The following ADCY5 variants were observed in gnomAD, a reference collection of about 807,000 sequenced individuals.
ADCY5 encodes adenylate cyclase type 5.
In ADCY5, 30 loss-of-function variants were observed where a neutral mutation model predicts 119.7. That is an observed-to-expected ratio of 0.25 (90% CI 0.19 to 0.34). The LOEUF (loss-of-function observed/expected upper bound fraction) is 0.34. Among genes scored for constraint, ADCY5 ranks in the 10% least tolerant of loss-of-function variants. ADCY5 has a pLI of 1.00. For synonymous variants in ADCY5, 753 were observed against 762.2 expected (o/e 0.99, Z 0.20); for missense variants, 1,324 against 1,775.2 (o/e 0.75, Z 4.57).
intron 1 of ADCY5, among the ~76,000 whole-genome samples, chr3:123,413,916 C>A (rs1471134409): frequency 6.6e-6 from 1 of 152,166 alleles, no homozygotes; most frequent in African/African-American, 2.4e-5. Flanking sequence ...CCCAGCCCAG[C>A]TGCGAACTGT....
Position 123,320,842 on chromosome 3 carries a change from T to C in ADCY5, c.2089-71A>G. 3 of 1,174,600 alleles carry C rather than the reference T, an allele frequency of 2.6e-6. No homozygotes were observed. The East Asian group carries it at 7.6e-5, about 30-fold the overall frequency. The allele number at this position is 1,174,600 out of a possible 1,614,324, so 72.8% of individuals were successfully genotyped here. On this transcript the variant is annotated intron_variant, in intron 8 of 20. Transcript: ENST00000462833. ...AGAGAACTGAAAGCTCAGAGGCGTC[T>C]AGATGGCTGCAGCTCATCTCTACAG...
chr3:123,400,143 T>G (rs1481449422), intron 1 of ADCY5, among the ~76,000 whole-genome samples: 2 of 152,144 alleles, frequency 1.3e-5, no homozygotes, highest in Non-Finnish European at 2.9e-5. Context: ...GAGCAGCTAG[T>G]GAGGAGAGTT....
rs1399569594 is a variant in ADCY5 at position 123,290,004 on chromosome 3, G to A, written c.3328-50C>T. The A allele has an allele frequency of 2.5e-6, 4 of 1,586,060 alleles. No homozygotes were observed. The Admixed American group carries it at 6.9e-5, about 27-fold the overall frequency. ...GTCACCCCAAGCCTGGGACACCGAG[G>A]GCCACAGGGAGGGACAGAGGATGTC... On this transcript the variant is annotated intron_variant, in intron 18 of 20. Coordinates refer to ENST00000462833, the MANE Select transcript of ADCY5 (RefSeq NM_183357.3).
intron 1 of ADCY5, among the ~76,000 whole-genome samples, chr3:123,376,696 T>C (rs56371916): frequency 0.2 from 29,803 of 152,028 alleles, 3,288 homozygotes; most frequent in Admixed American, 0.27. Flanking sequence ...GCAGAGTGGC[T>C]GGCGTGAGTG....
At chr3:123,318,211 G>T in intron 10 of ADCY5, 94 bp from the exon 11 acceptor site, 1 of 935,032 alleles carries the variant, frequency 1.1e-6, no homozygotes, top group Non-Finnish European at 1.7e-6. Context: ...AGCCACTCAT[G>T]GCTGGTCACC....
At chr3:123,331,716 T>C (rs1941771493) in intron 4 of ADCY5, among the ~76,000 whole-genome samples, 2 of 152,000 alleles carry the variant, frequency 1.3e-5, no homozygotes, top group Non-Finnish European at 2.9e-5. Flanking sequence ...CTCCCAAAGA[T>C]AGTTGAGAAA....
At chr3:123,350,988 C>T (rs1324224690) in intron 2 of ADCY5, among the ~76,000 whole-genome samples, 7 of 152,004 alleles carry the variant, frequency 4.6e-5, no homozygotes, top group African/African-American at 9.7e-5. Context: ...AGGCGAGGTA[C>T]ATGTGTTAAT....
chr3:123,339,906 A>AG (rs1491123881), intron 3 of ADCY5, among the ~76,000 whole-genome samples: 42 of 152,352 alleles, frequency 2.8e-4, no homozygotes, highest in African/African-American at 9.9e-4. Context: ...TAGTGACCTC[A>AG]GGGGGGAGTC....
chr3:123,312,457 T>C (rs1940639471), intron 12 of ADCY5, among the ~76,000 whole-genome samples: 1 of 151,810 alleles, frequency 6.6e-6, no homozygotes, highest in Non-Finnish European at 1.5e-5. Flanking sequence ...GTGGCATTAA[T>C]CACACTCATG....
At chr3:123,366,304 T>C (rs982662752) in intron 1 of ADCY5, among the ~76,000 whole-genome samples, 4 of 152,230 alleles carry the variant, frequency 2.6e-5, no homozygotes, top group African/African-American at 9.6e-5. Flanking sequence ...CCCAGGTTAC[T>C]TGCAGAATAT....
intron 1 of ADCY5, among the ~76,000 whole-genome samples, chr3:123,407,686 G>C (rs1165997339): frequency 6.7e-6 from 1 of 150,146 alleles, no homozygotes; most frequent in East Asian, 2.0e-4. Context: ...GCTTAAGCCA[G>C]GGAGATAAAG....
At chr3:123,399,590 T>TTG (rs1466397749) in intron 1 of ADCY5, among the ~76,000 whole-genome samples, 4 of 152,216 alleles carry the variant, frequency 2.6e-5, no homozygotes, top group Non-Finnish European at 5.9e-5. Flanking sequence ...GAGTACATTA[T>TTG]TGTTAACTAT....
chr3:123,402,466 AG>A (rs1029309679), intron 1 of ADCY5, among the ~76,000 whole-genome samples: 122 of 152,340 alleles, frequency 8.0e-4, no homozygotes, highest in African/African-American at 2.8e-3. Flanking sequence ...CTGGAAGCCA[AG>A]GGGGCCCAGG....
chr3:123,443,327 A>AACGGCG (rs1945755074), intron 1 of ADCY5, among the ~76,000 whole-genome samples: 1 of 152,144 alleles, frequency 6.6e-6, no homozygotes, highest in Non-Finnish European at 1.5e-5. Context: ...CCAGAAAAGC[A>AACGGCG]AACGGCCAGG....
At chr3:123,415,296 C>A (rs908873119) in intron 1 of ADCY5, among the ~76,000 whole-genome samples, 1 of 152,208 alleles carries the variant, frequency 6.6e-6, no homozygotes, top group Non-Finnish European at 1.5e-5. Context: ...CTGCCATGCC[C>A]GGACAGAGGG....
At chr3:123,379,289 G>A (rs1381541911) in intron 1 of ADCY5, among the ~76,000 whole-genome samples, 1 of 152,198 alleles carries the variant, frequency 6.6e-6, no homozygotes, top group Non-Finnish European at 1.5e-5. Context: ...CTTTGCTGGT[G>A]GAGTTCCAGG....
At chr3:123,434,690 T>A (rs1393088401) in intron 1 of ADCY5, among the ~76,000 whole-genome samples, 1 of 151,838 alleles carries the variant, frequency 6.6e-6, no homozygotes. Context: ...ATCCCGAGAG[T>A]TAAATATAAA....
chr3:123,340,359 T>C (rs568660735), intron 3 of ADCY5, among the ~76,000 whole-genome samples: 1 of 152,188 alleles, frequency 6.6e-6, no homozygotes, highest in Non-Finnish European at 1.5e-5. Context: ...ACATTCTTCT[T>C]TTGGGGCCTG....
At chr3:123,289,114 C>T (rs748733974) in intron 19 of ADCY5, among the ~76,000 whole-genome samples, 29 of 152,240 alleles carry the variant, frequency 1.9e-4, no homozygotes, top group Non-Finnish European at 3.4e-4. Flanking sequence ...GTCACTATCA[C>T]ATGATTCTTT....
Sources: allele counts gnomAD v4.1 joint callset (sites outside exome capture counted in the v4.1 genomes callset), GRCh38; gene constraint gnomAD v4.1.1; transcripts MANE v1.5; gene names NCBI Gene and HGNC (gene_info 2026-07-23, HGNC 2026-07-21).